Variants in SLC2A1 observed in about 807,000 individuals in gnomAD.
The protein encoded by SLC2A1 is solute carrier family 2 member 1, also known as solute carrier family 2, facilitated glucose transporter member 1.
A neutral mutation model predicts 46.6 loss-of-function variants in SLC2A1; 4 were observed. That is an observed-to-expected ratio of 0.09 (90% confidence interval 0.04 to 0.20). The LOEUF (loss-of-function observed/expected upper bound fraction) is 0.20, where lower values mean the gene tolerates loss of function less well. SLC2A1 is among the 10% of genes least tolerant of loss of function. SLC2A1 has a pLI of 1.00. For missense variants in SLC2A1, 352 were observed against 667.0 expected (o/e 0.53, Z 5.20); for synonymous variants, 253 against 270.0 (o/e 0.94, Z 0.62).
rs1161465342 is a variant in SLC2A1 at position 42,930,586 on chromosome 1, C to G, written c.516+40G>C. 22 of 1,611,202 alleles carry G rather than the reference C, an allele frequency of 1.4e-5. No homozygotes were observed. Among genetic ancestry groups the G allele is most frequent in the Non-Finnish European group, 1.9e-5 (22 of 1,179,056 alleles). On this transcript the variant is annotated intron_variant, in intron 4 of 9. Transcript: ENST00000426263. The surrounding 1 kb of genome is among the most constrained non-coding windows in gnomAD (Gnocchi z 6.2). ...ATCCGAGAGCCACTGAAGCTGTGGG[C>G]AGGGGCCGTGCCAGGCAGGTAGATC...
chr1:42,956,407 CAAAAAAAAAAAAAAAAAAAA>C (rs71577684), intron 1 of SLC2A1, among the ~76,000 whole-genome samples: 4 of 44,506 alleles, frequency 9.0e-5, no homozygotes, highest in Admixed American at 7.3e-4. Flanking sequence ...ACTAAAACTA[CAAAAAAAAAAAAAAAAAAAA>C]AAAAAACATT....
chr1:42,948,774 G>C (rs1643687284), intron 1 of SLC2A1, among the ~76,000 whole-genome samples: 1 of 151,968 alleles, frequency 6.6e-6, no homozygotes, highest in African/African-American at 2.4e-5. Flanking sequence ...ACTAAAAATA[G>C]AAAAGTTGGA....
At position 42,925,779 on chromosome 1, in the gene SLC2A1, T is replaced by G. The variant is rs545748402; in HGVS notation, c.*1262A>C. 6.6e-6 allele frequency: 1 copy of G among 152,296 alleles called. No homozygotes were observed. The highest frequency in any genetic ancestry group is 2.1e-4 in the South Asian group (1 of 4,820). 9.4% of individuals were successfully genotyped at this position (152,296 alleles called of 1,614,324 possible). A position where few individuals can be genotyped will look rare whatever the true frequency, so the allele number is the denominator to read the frequency against. On this transcript the variant is annotated 3_prime_UTR_variant, in exon 10 of 10. Transcript: ENST00000426263. ...GTACCATTGTTAAAAGCAGGTGTTTTAGCTTATTCACTGTGCGACTTCAGG... is the reference window on the plus strand; with the variant it reads ...GTACCATTGTTAAAAGCAGGTGTTTGAGCTTATTCACTGTGCGACTTCAGG...
intron 2 of SLC2A1, among the ~76,000 whole-genome samples, chr1:42,932,293 C>CGG (rs1430323429): frequency 6.6e-6 from 1 of 151,748 alleles, no homozygotes; most frequent in Admixed American, 6.6e-5. Flanking sequence ...CCAGCTCCCA[C>CGG]GGATGTGGTA....
At chr1:42,931,018 G>C in intron 3 of SLC2A1, 28 bp downstream of exon 3, 1 of 1,613,600 alleles carries the variant, frequency 6.2e-7, no homozygotes, top group South Asian at 1.1e-5. Context: ...GGCCCTCCAA[G>C]GGCAGTGCCA....
chr1:42,931,564 G>A (rs1260243987), intron 2 of SLC2A1, among the ~76,000 whole-genome samples: 4 of 152,032 alleles, frequency 2.6e-5, no homozygotes, highest in Non-Finnish European at 4.4e-5. Context: ...GGTGGCTCAC[G>A]CCTGTAATCC....
At chr1:42,947,135 G>A (rs1341035623) in intron 1 of SLC2A1, among the ~76,000 whole-genome samples, 1 of 152,218 alleles carries the variant, frequency 6.6e-6, no homozygotes, top group Non-Finnish European at 1.5e-5. Context: ...ACTGGAACAT[G>A]GCAATGAAGT....
Position 42,929,328 on chromosome 1 carries a change from GA to G in SLC2A1, c.868-15del. On this transcript the variant is annotated splice_polypyrimidine_tract_variant and intron_variant, in intron 6 of 9. Transcript: ENST00000426263. The surrounding 1 kb of genome is among the most constrained non-coding windows in gnomAD (Gnocchi z 6.0). ...GTAATAGAAGACCTGCCAGACAAGAGAAACTGTTGGGGCCTACCTGGACATT... is the reference window on the plus strand; with the variant it reads ...GTAATAGAAGACCTGCCAGACAAGAGAACTGTTGGGGCCTACCTGGACATT... 1.3e-6 allele frequency: 2 copies of G among 1,596,266 alleles called. No homozygotes were observed. The highest frequency in any genetic ancestry group is 2.7e-5 in the African/African-American group (2 of 74,470).
chr1:42,943,187 A>G, intron 2 of SLC2A1, 39 bp downstream of exon 2: 1 of 1,324,716 alleles, frequency 7.5e-7, no homozygotes, highest in Non-Finnish European at 1.1e-6. Context: ...GCAACAGAGC[A>G]GGCTGGTGTC....
At chr1:42,938,170 T>C (rs1643562448) in intron 2 of SLC2A1, among the ~76,000 whole-genome samples, 1 of 152,192 alleles carries the variant, frequency 6.6e-6, no homozygotes. Context: ...GAGCCCAGTA[T>C]GATGGTCAGG....
chr1:42,938,944 A>G (rs946301628), intron 2 of SLC2A1, among the ~76,000 whole-genome samples: 2 of 152,140 alleles, frequency 1.3e-5, no homozygotes, highest in African/African-American at 4.8e-5. Context: ...GGTCTCTCCC[A>G]CTGCTGTGGA....
intron 2 of SLC2A1, among the ~76,000 whole-genome samples, chr1:42,940,140 G>A (rs536651968): frequency 6.6e-6 from 1 of 152,036 alleles, no homozygotes; most frequent in African/African-American, 2.4e-5. Context: ...TAAATTCCTA[G>A]CCATACCATC....
At position 42,925,353 on chromosome 1, in the gene SLC2A1, T is replaced by G. The variant is rs181463076; in HGVS notation, c.*1688A>C. On this transcript the variant is annotated 3_prime_UTR_variant, in exon 10 of 10. Transcript: ENST00000426263. ...GTTACAAAAGCAAACTTCTCCCAGA[T>G]TTTGTCAGCTGAGCCTCTAGAGACA... 4 of 152,076 alleles carry G rather than the reference T, an allele frequency of 2.6e-5. No homozygotes were observed. In the East Asian group the frequency reaches 5.8e-4, roughly 22 times the overall value. 9.4% of individuals were successfully genotyped at this position (152,076 alleles called of 1,614,324 possible). A position where few individuals can be genotyped will look rare whatever the true frequency, so the allele number is the denominator to read the frequency against.
intron 1 of SLC2A1, among the ~76,000 whole-genome samples, chr1:42,958,346 C>A (rs776462016): frequency 1.8e-3 from 278 of 151,144 alleles, no homozygotes; most frequent in Middle Eastern, 0.017. Context: ...CCAGCAGGGC[C>A]GCGTGGACGG....
At chr1:42,932,625 T>G (rs1643503778) in intron 2 of SLC2A1, among the ~76,000 whole-genome samples, 1 of 151,716 alleles carries the variant, frequency 6.6e-6, no homozygotes, top group African/African-American at 2.4e-5. Context: ...GTATGCAGCC[T>G]CTGCAGCCTC....
Position 42,952,581 on chromosome 1 carries a change from G to A in SLC2A1, c.18+6053C>T, listed in dbSNP as rs1210787062. The A allele has an allele frequency of 1.5e-5, 5 of 323,212 alleles. No homozygotes were observed. The Admixed American group carries it at 2.0e-4, about 13-fold the overall frequency. The allele number at this position is 323,212 out of a possible 1,614,324, so 20.0% of individuals were successfully genotyped here. A position where few individuals can be genotyped will look rare whatever the true frequency, so the allele number is the denominator to read the frequency against. On this transcript the variant is annotated intron_variant, in intron 1 of 9. Transcript: ENST00000426263. ...CAGACAGCACACAGGGCTGTGGGAT[G>A]GAGGCAAGGCGAGCCCAGAGCAGAA...
At chr1:42,936,368 G>A (rs1643542742) in intron 2 of SLC2A1, among the ~76,000 whole-genome samples, 1 of 152,154 alleles carries the variant, frequency 6.6e-6, no homozygotes, top group Non-Finnish European at 1.5e-5. Flanking sequence ...AGTTGGGGCT[G>A]GCCCCACACT....
chr1:42,951,232 A>AT (rs1643716914), intron 1 of SLC2A1, among the ~76,000 whole-genome samples: 1 of 152,170 alleles, frequency 6.6e-6, no homozygotes, highest in Non-Finnish European at 1.5e-5. Context: ...TGGGGCTGCT[A>AT]TTTCTTAATC....
chr1:42,939,102 G>A (rs1643571216), intron 2 of SLC2A1, among the ~76,000 whole-genome samples: 1 of 152,266 alleles, frequency 6.6e-6, no homozygotes, highest in South Asian at 2.1e-4. Flanking sequence ...CTGAATGAAA[G>A]GGTTGGCCAG....
Sources: gnomAD v4.1 joint callset for allele counts (sites outside exome capture counted in the v4.1 genomes callset) on GRCh38, gnomAD v4.1.1 for gene constraint, Gnocchi (gnomAD v3.1) non-coding constraint, MANE v1.5 for transcripts, NCBI Gene and HGNC (gene_info 2026-07-23, HGNC 2026-07-21) for gene names.